TNS1: variants seen among roughly 807,000 people sequenced by gnomAD.
TNS1 encodes the protein tensin-1.
Under a neutral mutation model 168.6 loss-of-function variants are expected in TNS1, and 62 were observed. The ratio of observed to expected loss-of-function variants is 0.37; its 90% confidence interval spans 0.30 to 0.45. The LOEUF is 0.45. Ranked by LOEUF, TNS1 falls within the 20% of genes least tolerant of loss-of-function variation. The probability of loss-of-function intolerance (pLI) is 1.00; values close to 1 mark genes in which losing one functional copy is unlikely to be tolerated. For synonymous variants in TNS1, 934 were observed against 933.2 expected (o/e 1.00, Z -0.02); for missense variants, 2,240 against 2,339.4 (o/e 0.96, Z 0.88).
intron 1 of TNS1, among the ~76,000 whole-genome samples, chr2:218,015,614 G>T (rs555733427): frequency 9.9e-5 from 15 of 152,240 alleles, no homozygotes; most frequent in African/African-American, 3.4e-4. Context: ...GACCCTCGCA[G>T]CTCATTATTC....
chr2:217,859,699 C>T (rs764682095), intron 18 of TNS1: 9 of 1,535,680 alleles, frequency 5.9e-6, no homozygotes, highest in Non-Finnish European at 1.7e-6. Context: ...TGTTTGTTCC[C>T]ATCTGTGGAA....
chr2:217,894,685 C>G (rs4334476), intron 9 of TNS1, among the ~76,000 whole-genome samples: 1 of 151,802 alleles, frequency 6.6e-6, no homozygotes, highest in Non-Finnish European at 1.5e-5. Context: ...ACAAAAAAAC[C>G]GGCAGCTGGA....
At chr2:217,978,253 G>A (rs913562081) in intron 3 of TNS1, among the ~76,000 whole-genome samples, 2 of 152,136 alleles carry the variant, frequency 1.3e-5, no homozygotes, top group Admixed American at 6.5e-5. Flanking sequence ...TCTCTCAGGC[G>A]GTTCCAGACC....
chr2:217,956,515 G>T (rs1957366945), intron 3 of TNS1, among the ~76,000 whole-genome samples: 3 of 152,182 alleles, frequency 2.0e-5, no homozygotes, highest in African/African-American at 2.4e-5. Flanking sequence ...AGAGGATGGA[G>T]ACACAGGCGC....
intron 6 of TNS1, chr2:217,901,827 C>A (rs570708355): frequency 6.6e-6 from 1 of 152,358 alleles, no homozygotes; most frequent in Admixed American, 6.5e-5. Flanking sequence ...GCAGTGCCTA[C>A]GAGGCAGGAT....
At chr2:217,805,362 G>A (rs923540647) in intron 32 of TNS1, among the ~76,000 whole-genome samples, 3 of 147,934 alleles carry the variant, frequency 2.0e-5, no homozygotes, top group South Asian at 2.1e-4. Flanking sequence ...GCAGGACCAC[G>A]GCAGCTGAAG....
rs1958907126 is a variant in TNS1 at position 218,032,672 on chromosome 2, G to A, written c.156+1148C>T. ...AGGGTATCACCCCTCCTCTAGTGAG[G>A]CCCCAGGTGATGGGTGCAGGCTGCT... On this transcript the variant is annotated intron_variant, in intron 1 of 1. Transcript: ENST00000649572. The surrounding 1 kb of genome is among the most constrained non-coding windows in gnomAD (Gnocchi z 4.0). Among the ~76,000 whole-genome samples the A allele has an allele frequency of 6.6e-6, 1 of 152,120 alleles. No homozygotes were observed. The highest frequency in any genetic ancestry group is 1.5e-5 in the Non-Finnish European group (1 of 67,996).
chr2:217,967,648 T>G (rs902519886), intron 3 of TNS1, among the ~76,000 whole-genome samples: 1 of 152,040 alleles, frequency 6.6e-6, no homozygotes, highest in Admixed American at 6.6e-5. Context: ...CTATAATAAA[T>G]AAAGAAATTG....
chr2:217,825,234 C>T (rs1198752302), intron 22 of TNS1, among the ~76,000 whole-genome samples: 1 of 152,118 alleles, frequency 6.6e-6, no homozygotes, highest in Admixed American at 6.5e-5. Context: ...TAGCTTTGGC[C>T]TTTGGCTAGT....
chr2:218,023,642 C>A (rs540960352), intron 1 of TNS1, among the ~76,000 whole-genome samples: 2 of 152,320 alleles, frequency 1.3e-5, no homozygotes, highest in Non-Finnish European at 1.5e-5. Flanking sequence ...CCTTACCCAC[C>A]TTAATGATCT....
chr2:217,976,429 TCAGAGAAAGACCCA>T (rs1957897668), intron 3 of TNS1, among the ~76,000 whole-genome samples: 1 of 152,198 alleles, frequency 6.6e-6, no homozygotes. Flanking sequence ...AGCTCTGGTT[TCAGAGAAAGACCCA>T]CCAGCTGGGT....
intron 2 of TNS1, among the ~76,000 whole-genome samples, chr2:217,983,085 GCCAGTCTGTGAGTGACAGGGA>G (rs1958096636): frequency 6.6e-6 from 1 of 152,136 alleles, no homozygotes; most frequent in African/African-American, 2.4e-5. Flanking sequence ...TGGGGAGACA[GCCAGTCTGTGAGTGACAGGGA>G]CCAGTCTGTG....
At chr2:217,897,585 A>G (rs921171978) in intron 8 of TNS1, among the ~76,000 whole-genome samples, 1 of 152,164 alleles carries the variant, frequency 6.6e-6, no homozygotes, top group African/African-American at 2.4e-5. Flanking sequence ...CAGATGCTAC[A>G]TTCCAGCTGC....
At chr2:217,923,030 G>A (rs1420780871) in intron 3 of TNS1, among the ~76,000 whole-genome samples, 1 of 152,040 alleles carries the variant, frequency 6.6e-6, no homozygotes, top group African/African-American at 2.4e-5. Flanking sequence ...AGCCCGGAAT[G>A]TGCCAGGGAG....
At chr2:217,808,170 C>A (rs2125065255) in intron 31 of TNS1, 63 bp from the exon 32 acceptor site, 2 of 1,588,512 alleles carry the variant, frequency 1.3e-6, no homozygotes, top group Admixed American at 1.7e-5. Context: ...CCAGCCCCAC[C>A]CATGCCCAGA....
intron 1 of TNS1, chr2:218,010,063 G>T (rs1027837425): frequency 1.0e-5 from 4 of 386,342 alleles, no homozygotes; most frequent in Middle Eastern, 6.4e-4. Flanking sequence ...GGGCGGGGGG[G>T]GGTCGGAAGG....
intron 28 of TNS1, among the ~76,000 whole-genome samples, chr2:217,810,664 C>G (rs949740774): frequency 6.6e-6 from 1 of 152,178 alleles, no homozygotes; most frequent in African/African-American, 2.4e-5. Context: ...ATAAAGCAAG[C>G]CTTCAAGTGA....
At chr2:218,022,971 C>T (rs930339161) in intron 1 of TNS1, among the ~76,000 whole-genome samples, 1 of 152,184 alleles carries the variant, frequency 6.6e-6, no homozygotes, top group African/African-American at 2.4e-5. Context: ...CCCAACCCCA[C>T]CCCAACCTCA....
intron 3 of TNS1, among the ~76,000 whole-genome samples, chr2:217,954,218 A>G (rs1015092165): frequency 1.3e-5 from 2 of 152,146 alleles, no homozygotes; most frequent in African/African-American, 4.8e-5. Context: ...CTAGGGCTCT[A>G]TTCTGGCTCC....
Sources: gnomAD v4.1 joint callset for allele counts (sites outside exome capture counted in the v4.1 genomes callset) on GRCh38, gnomAD v4.1.1 for gene constraint, Gnocchi (gnomAD v3.1) non-coding constraint, MANE v1.5 for transcripts, NCBI Gene and HGNC (gene_info 2026-07-23, HGNC 2026-07-21) for gene names.